The following ZNF519 variants were observed in gnomAD, a reference collection of about 807,000 sequenced individuals.
ZNF519 encodes zinc finger protein 519, also known as similar to Zinc finger protein 85 (Zinc finger protein HPF4) (HTF1).
ZNF519 carries 7 observed loss-of-function variants against 7.4 expected under a neutral mutation model. The ratio of observed to expected loss-of-function variants is 0.94; its 90% confidence interval spans 0.54 to 1.77. The LOEUF (loss-of-function observed/expected upper bound fraction) is 1.77, where lower values mean the gene tolerates loss of function less well. Ranked by LOEUF, ZNF519 falls within the 40% of genes most tolerant of loss-of-function variation. The probability of loss-of-function intolerance (pLI) is 0.00; values close to 1 mark genes in which losing one functional copy is unlikely to be tolerated. For missense variants in ZNF519, 586 were observed against 623.1 expected (o/e 0.94, Z 0.63); for synonymous variants, 179 against 203.3 (o/e 0.88, Z 1.02).
intron 2 of ZNF519, among the ~76,000 whole-genome samples, chr18:14,107,818 T>C (rs1018910084): frequency 5.3e-4 from 81 of 152,214 alleles, no homozygotes; most frequent in African/African-American, 1.9e-3. Context: ...GTGGTGATGG[T>C]AGCAATGGGA....
chr18:14,089,583 A>C (rs923000190), intron 2 of ZNF519, among the ~76,000 whole-genome samples: 2 of 152,086 alleles, frequency 1.3e-5, no homozygotes, highest in Admixed American at 1.3e-4. Context: ...AGAAATCAAA[A>C]CAGGGGCTGC....
At chr18:14,131,107 G>A (rs2046327413) in intron 1 of ZNF519, among the ~76,000 whole-genome samples, 1 of 152,082 alleles carries the variant, frequency 6.6e-6, no homozygotes, top group African/African-American at 2.4e-5. Flanking sequence ...TGTGGCTAAG[G>A]AAACATTGCC....
chr18:14,132,380 A>G lies in ZNF519; in HGVS notation c.-103T>C. On this transcript the variant is annotated 5_prime_UTR_variant, in exon 1 of 3. Coordinates refer to ENST00000590202, the MANE Select transcript of ZNF519 (RefSeq NM_145287.4). ...TGGCAGAATCACCGAAGTCTCCCGG[A>G]GCAGAGGACACAAGGCAATGAAGCC... The G allele has an allele frequency of 7.0e-7, 1 of 1,438,130 alleles. No individual in the cohort carries two copies. The highest frequency in any genetic ancestry group is 9.7e-7 in the Non-Finnish European group (1 of 1,027,092). The allele number at this position is 1,438,130 out of a possible 1,614,324, so 89.1% of individuals were successfully genotyped here.
In ZNF519 at chr18:14,103,134, A is replaced by G. The variant is rs187197853; in HGVS notation, c.*1783T>C. On this transcript the variant is annotated 3_prime_UTR_variant, in exon 3 of 3. Transcript: ENST00000590202. ...GAAGTATAGAAACTTCTATACTCCA[A>G]TGTAAATAATGGGCAGAAAAAGTGG... is the stretch of plus-strand genomic sequence containing the variant. The G allele has an allele frequency of 1.6e-4, 24 of 152,228 alleles. No homozygotes were observed. Among genetic ancestry groups the G allele is most frequent in the Admixed American group, 1.2e-3 (18 of 15,290 alleles). The allele number at this position is 152,228 out of a possible 1,614,324, so 9.4% of individuals were successfully genotyped here. A position where few individuals can be genotyped will look rare whatever the true frequency, so the allele number is the denominator to read the frequency against.
At chr18:14,127,584 T>A (rs960666037) in intron 1 of ZNF519, among the ~76,000 whole-genome samples, 1 of 152,124 alleles carries the variant, frequency 6.6e-6, no homozygotes, top group Non-Finnish European at 1.5e-5. Flanking sequence ...TGGTGGCCCA[T>A]GTGTGGGCAT....
Position 14,104,923 on chromosome 18 carries a change from G to C in ZNF519, c.1617C>G (p.Thr539=). ...STLTQHQIIH[T]R ...CTTTACACTTGCAGGGTTTCTACCTGGTATGAATTATTTGATGTTGAGTAA... is the reference window on the plus strand; with the variant it reads ...CTTTACACTTGCAGGGTTTCTACCTCGTATGAATTATTTGATGTTGAGTAA... The change falls in exon 3 of 3, where the codon ACC becomes ACG. Residue 539 remains threonine, a synonymous_variant. Transcript: ENST00000590202. 6.5e-7 allele frequency: 1 copy of C among 1,544,236 alleles called. No homozygotes were observed. Among genetic ancestry groups the C allele is most frequent in the Non-Finnish European group, 8.7e-7 (1 of 1,149,620 alleles).
Position 14,132,352 on chromosome 18 carries a change from G to A in ZNF519, c.-75C>T, listed in dbSNP as rs1041253079. ...CCAGCAGGTCACAGAGCGACGGAGT[G>A]AGTGGCAGAATCACCGAAGTCTCCC... is the stretch of plus-strand genomic sequence containing the variant. On this transcript the variant is annotated 5_prime_UTR_variant, in exon 1 of 3. Coordinates refer to ENST00000590202, the MANE Select transcript of ZNF519 (RefSeq NM_145287.4). 6.4e-6 allele frequency: 10 copies of A among 1,573,914 alleles called. No homozygotes were observed. The Admixed American group carries it at 1.2e-4, about 19-fold the overall frequency.
At chr18:14,097,020 T>C (rs1332247616), downstream of ZNF519, among the ~76,000 whole-genome samples, 1 of 152,152 alleles carries the variant, frequency 6.6e-6, no homozygotes, top group East Asian at 1.9e-4. Flanking sequence ...TTGAGTGATG[T>C]TGCTCTGCTG....
chr18:14,127,824 C>G (rs2046308387), intron 1 of ZNF519, among the ~76,000 whole-genome samples: 1 of 151,884 alleles, frequency 6.6e-6, no homozygotes, highest in Non-Finnish European at 1.5e-5. Context: ...AGAGACCATT[C>G]TGTTTGAAGA....
At chr18:14,113,631 G>A (rs1321475315) in intron 2 of ZNF519, among the ~76,000 whole-genome samples, 1 of 151,730 alleles carries the variant, frequency 6.6e-6, no homozygotes. Context: ...TCTCTCTGAT[G>A]TCCTGATTTC....
At chr18:14,120,564 C>T (rs1204869494) in intron 2 of ZNF519, among the ~76,000 whole-genome samples, 1 of 151,934 alleles carries the variant, frequency 6.6e-6, no homozygotes, top group East Asian at 1.9e-4. Context: ...AAGTAAACAG[C>T]TTCTGCACAG....
At chr18:14,115,422 T>A (rs2046241637) in intron 2 of ZNF519, among the ~76,000 whole-genome samples, 1 of 152,124 alleles carries the variant, frequency 6.6e-6, no homozygotes, top group Admixed American at 6.5e-5. Flanking sequence ...ATATCAGAAC[T>A]AAAGAGACCA....
rs1421111133 is a variant in ZNF519 at position 14,100,379 on chromosome 18, C to T, written c.*4538G>A. On this transcript the variant is annotated 3_prime_UTR_variant, in exon 3 of 3. Coordinates refer to ENST00000590202, the MANE Select transcript of ZNF519 (RefSeq NM_145287.4). The stretch of plus-strand genomic sequence containing the variant: ...ACCTAGTACATGAATGTACATAGCA[C>T]TTTTATTCATAATAGCCACACACTG... The T allele has an allele frequency of 6.6e-6, 1 of 152,110 alleles. No individual in the cohort carries two copies. The highest frequency in any genetic ancestry group is 1.5e-5 in the Non-Finnish European group (1 of 68,008). 9.4% of individuals were successfully genotyped at this position (152,110 alleles called of 1,614,324 possible). A position where few individuals can be genotyped will look rare whatever the true frequency, so the allele number is the denominator to read the frequency against.
At chr18:14,088,481 G>A (rs1017915464) in intron 2 of ZNF519, among the ~76,000 whole-genome samples, 2 of 152,038 alleles carry the variant, frequency 1.3e-5, no homozygotes, top group Non-Finnish European at 2.9e-5. Flanking sequence ...ATTGTTCATG[G>A]CTAAGTGCAT....
chr18:14,107,809 T>C (rs968668843), intron 2 of ZNF519, among the ~76,000 whole-genome samples: 4 of 152,096 alleles, frequency 2.6e-5, no homozygotes, highest in Non-Finnish European at 4.4e-5. Context: ...CATGGGCCTG[T>C]GGTGATGGTA....
chr18:14,078,007 C>T (rs1021131234), intron 4 of ZNF519, among the ~76,000 whole-genome samples: 3 of 152,054 alleles, frequency 2.0e-5, no homozygotes, highest in Non-Finnish European at 4.4e-5. Flanking sequence ...GGTGTTGTTG[C>T]GGAGATGGTT....
In ZNF519 at chr18:14,105,433, G is replaced by C. The variant is rs2046184560; in HGVS notation, c.1107C>G (p.Ile369Met). 6 of 1,613,218 alleles carry C rather than the reference G, an allele frequency of 3.7e-6. No homozygotes were observed. Among genetic ancestry groups the C allele is most frequent in the Non-Finnish European group, 5.1e-6 (6 of 1,179,882 alleles). Residue 369 changes from isoleucine (I) to methionine (M), a missense_variant, in exon 3 of 3, where the codon ATC (isoleucine) becomes ATG (methionine). Coordinates refer to ENST00000590202, the MANE Select transcript of ZNF519 (RefSeq NM_145287.4). ...ATCTGAAAGGTTTCTCTCCGGTATG[G>C]ATTCTCTGGTGTTGAGTAAGGTATG... ...RGSYLTQHQR[I>M]HTGEKPFRCK... is the part of the protein sequence containing the mutation.
intron 1 of ZNF519, among the ~76,000 whole-genome samples, chr18:14,129,311 G>T (rs1446643465): frequency 6.6e-6 from 1 of 152,164 alleles, no homozygotes; most frequent in Non-Finnish European, 1.5e-5. Flanking sequence ...AAGCTGTTGT[G>T]AGCACAATTC....
At chr18:14,089,169 A>T (rs2046103798) in intron 2 of ZNF519, among the ~76,000 whole-genome samples, 1 of 152,220 alleles carries the variant, frequency 6.6e-6, no homozygotes, top group South Asian at 2.1e-4. Flanking sequence ...TAATATATGT[A>T]GCTTAAGAAC....
Sources: allele counts gnomAD v4.1 joint callset (sites outside exome capture counted in the v4.1 genomes callset), GRCh38; gene constraint gnomAD v4.1.1; transcripts MANE v1.5; gene names NCBI Gene and HGNC (gene_info 2026-07-23, HGNC 2026-07-21).